Variants in LGALS8 observed in about 807,000 individuals in gnomAD.
The protein encoded by LGALS8 is galectin-8.
Under a neutral mutation model 35.9 loss-of-function variants are expected in LGALS8, and 30 were observed. That is an observed-to-expected ratio of 0.83 (90% CI 0.62 to 1.13). The LOEUF is 1.13. Among genes scored for constraint, LGALS8 ranks in the 50% most tolerant of loss-of-function variants. The pLI, the probability that LGALS8 is intolerant of heterozygous loss-of-function variation, is 0.00. For synonymous variants in LGALS8, 138 were observed against 136.1 expected (o/e 1.01, Z -0.10); for missense variants, 366 against 388.7 (o/e 0.94, Z 0.49).
At chr1:236,532,809 A>G (rs1661223618) in intron 2 of LGALS8, among the ~76,000 whole-genome samples, 1 of 152,154 alleles carries the variant, frequency 6.6e-6, no homozygotes, top group Non-Finnish European at 1.5e-5. Flanking sequence ...ACGCCATTGC[A>G]CTCCAGCCTG....
Position 236,550,200 on chromosome 1 carries a change from G to C in LGALS8, c.*2039G>C, listed in dbSNP as rs1390629161. On this transcript the variant is annotated 3_prime_UTR_variant, in exon 10 of 10. Transcript: ENST00000366584. ...GGAACTGGGTTCATTCTGAATCCTG[G>C]AGGAGCTTCCTCGTGCCACCCAGTG... 1 of 152,186 alleles carries C rather than the reference G, an allele frequency of 6.6e-6. No homozygotes were observed. The highest frequency in any genetic ancestry group is 1.9e-4 in the East Asian group (1 of 5,196). 9.4% of individuals were successfully genotyped at this position (152,186 alleles called of 1,614,324 possible).
At chr1:236,545,825 G>C (rs185381232) in intron 9 of LGALS8, among the ~76,000 whole-genome samples, 62 of 152,140 alleles carry the variant, frequency 4.1e-4, no homozygotes, top group African/African-American at 1.5e-3. Context: ...GGATGTGGAA[G>C]GCTGAAGGTT....
exon 1 of LGALS8, chr1:236,518,283 A>C (rs1475982398): frequency 7.2e-5 from 11 of 152,126 alleles, no homozygotes; most frequent in Non-Finnish European, 1.5e-4. Flanking sequence ...AGAACTTCGG[A>C]GGTAAGCCTG....
chr1:236,543,882 T>C (rs1311274528), intron 8 of LGALS8, among the ~76,000 whole-genome samples: 1 of 152,138 alleles, frequency 6.6e-6, no homozygotes, highest in African/African-American at 2.4e-5. Context: ...GTAGCATTTT[T>C]GTCCACGAGG....
rs1176386181 is a variant in LGALS8 at position 236,551,966 on chromosome 1, T to G, written c.*3805T>G. 3 of 1,348,656 alleles carry G rather than the reference T, an allele frequency of 2.2e-6. No homozygotes were observed. The highest frequency in any genetic ancestry group is 1.8e-4 in the Middle Eastern group (1 of 5,556). The allele number at this position is 1,348,656 out of a possible 1,614,324, so 83.5% of individuals were successfully genotyped here. A position where few individuals can be genotyped will look rare whatever the true frequency, so the allele number is the denominator to read the frequency against. ...AGAATTTTACTGAATTATTCCTTAA[T>G]TGTTTAATGGTTGGGAATAGTTTGG... On this transcript the variant is annotated 3_prime_UTR_variant, in exon 10 of 10. Transcript: ENST00000366584.
chr1:236,528,763 C>T (rs1030156622), intron 2 of LGALS8, among the ~76,000 whole-genome samples: 1 of 151,668 alleles, frequency 6.6e-6, no homozygotes, highest in African/African-American at 2.4e-5. Flanking sequence ...TCAAGCACTC[C>T]TCCCGCCTCG....
At chr1:236,538,086 C>CAAAAAAA (rs548113542) in intron 3 of LGALS8, among the ~76,000 whole-genome samples, 6 of 50,060 alleles carry the variant, frequency 1.2e-4, no homozygotes, top group East Asian at 6.4e-4. Flanking sequence ...GCCTGGGTGA[C>CAAAAAAA]AAAAAAAAAA....
In LGALS8 at chr1:236,551,890, C is replaced by T; in HGVS notation, c.*3729C>T. On this transcript the variant is annotated 3_prime_UTR_variant, in exon 10 of 10. Transcript: ENST00000366584. ...GCTGCCTGTATGAGGACTGGATCAA[C>T]TGCTAGTCACGTTATATCCAAATCT... 2 of 738,368 alleles carry T rather than the reference C, an allele frequency of 2.7e-6. No individual in the cohort carries two copies. Among genetic ancestry groups the T allele is most frequent in the South Asian group, 1.7e-5 (1 of 60,110 alleles). 45.7% of individuals were successfully genotyped at this position (738,368 alleles called of 1,614,324 possible).
intron 2 of LGALS8, among the ~76,000 whole-genome samples, chr1:236,528,431 G>A (rs1268321409): frequency 2.0e-5 from 3 of 150,092 alleles, no homozygotes; most frequent in Non-Finnish European, 3.0e-5. Context: ...TTGAATCATG[G>A]TTGTTTTGTT....
At chr1:236,546,753 T>C (rs961775940) in intron 9 of LGALS8, among the ~76,000 whole-genome samples, 1 of 152,258 alleles carries the variant, frequency 6.6e-6, no homozygotes, top group African/African-American at 2.4e-5. Flanking sequence ...GCCAACTTGG[T>C]TTTCCTTCTG....
intron 2 of LGALS8, among the ~76,000 whole-genome samples, chr1:236,532,867 CAAAA>C (rs1391379385): frequency 6.6e-6 from 1 of 151,898 alleles, no homozygotes; most frequent in Non-Finnish European, 1.5e-5. Flanking sequence ...AAACAAAAAA[CAAAA>C]AACCTGTTTT....
At chr1:236,521,903 CTGTTG>C (rs1425403721), upstream of LGALS8, among the ~76,000 whole-genome samples, 1 of 151,726 alleles carries the variant, frequency 6.6e-6, no homozygotes, top group Non-Finnish European at 1.5e-5. Context: ...ACTTCTCTGG[CTGTTG>C]TGTTGAGACT....
chr1:236,537,294 C>T lies in LGALS8; in HGVS notation c.46-203C>T, dbSNP rs569163719. Among the ~76,000 whole-genome samples, 172 of 152,168 alleles carry T rather than the reference C, an allele frequency of 1.1e-3. 3 individuals are homozygous for T. The highest frequency in any genetic ancestry group is 4.1e-3 in the African/African-American group (171 of 41,518). ...CCTCCCAAAGTGCTGGGATTACAGG[C>T]GTGAGCCACCGCGCCCGGCCGCAGT... On this transcript the variant is annotated intron_variant, in intron 2 of 9. Coordinates refer to ENST00000366584, the MANE Select transcript of LGALS8 (RefSeq NM_201544.4).
chr1:236,550,714 T>C lies in LGALS8; in HGVS notation c.*2553T>C, dbSNP rs767285887. On this transcript the variant is annotated 3_prime_UTR_variant, in exon 10 of 10. Transcript: ENST00000366584. Reference sequence around the variant, plus strand: ...TTACTCTTTCTGCAGCTCTATACGATAGGCAGGAGAGGCTTATGTGGCAGC... The same window carrying C: ...TTACTCTTTCTGCAGCTCTATACGACAGGCAGGAGAGGCTTATGTGGCAGC... 7.6e-6 allele frequency: 4 copies of C among 529,414 alleles called. No homozygotes were observed. The highest frequency in any genetic ancestry group is 3.0e-5 in the South Asian group (1 of 33,814). 32.8% of individuals were successfully genotyped at this position (529,414 alleles called of 1,614,324 possible).
At chr1:236,543,290 G>C (rs1201366418) in intron 7 of LGALS8, 1 of 637,152 alleles carries the variant, frequency 1.6e-6, no homozygotes, top group African/African-American at 1.8e-5. Context: ...GGCACAGGGG[G>C]CCTTCCTGGC....
chr1:236,540,695 T>TC lies in LGALS8; in HGVS notation c.465+14dup, dbSNP rs1457471709. 2 of 1,598,756 alleles carry TC rather than the reference T, an allele frequency of 1.3e-6. No individual in the cohort carries two copies. Among genetic ancestry groups the TC allele is most frequent in the Non-Finnish European group, 1.7e-6 (2 of 1,172,678 alleles). ...TTAGCTTCAGCTCGGTGAGTGACCT[T>TC]CCACAGCTTGGGGTCTTTTATGAGG... On this transcript the variant is annotated intron_variant, in intron 5 of 9. Coordinates refer to ENST00000366584, the MANE Select transcript of LGALS8 (RefSeq NM_201544.4).
At chr1:236,530,042 G>C (rs758310538) in intron 2 of LGALS8, among the ~76,000 whole-genome samples, 13 of 152,200 alleles carry the variant, frequency 8.5e-5, no homozygotes, top group Non-Finnish European at 1.5e-4. Flanking sequence ...GAAATTTCTT[G>C]TTTGGCAGTT....
rs765121879 is a variant in LGALS8 at position 236,540,608 on chromosome 1, C to G, written c.390C>G (p.Ile130Met). The G allele has an allele frequency of 3.1e-6, 5 of 1,610,200 alleles. No individual in the cohort carries two copies. Among genetic ancestry groups the G allele is most frequent in the South Asian group, 2.2e-5 (2 of 90,272 alleles). The change falls in exon 5 of 10, where the codon ATC (isoleucine) becomes ATG (methionine). Residue 130 changes from isoleucine (I) to methionine (M), a missense_variant. Physicochemically the swap from Ile to Met is conservative, Grantham distance 10. Coordinates refer to ENST00000366584, the MANE Select transcript of LGALS8 (RefSeq NM_201544.4). ...ATACTCTGCTCTATGGCCACAGGAT[C>G]GGCCCAGAGAAAATAGACACTCTGG... is the stretch of plus-strand genomic sequence containing the variant. The part of the protein sequence containing the change: ...GKHTLLYGHR[I>M]GPEKIDTLGI...
chr1:236,545,281 A>G (rs1662293813), intron 9 of LGALS8: 1 of 119,454 alleles, frequency 8.4e-6, no homozygotes, highest in African/African-American at 3.0e-5. Context: ...ACTGGCCATC[A>G]TCTCCCATCA....
Sources: allele counts gnomAD v4.1 joint callset (sites outside exome capture counted in the v4.1 genomes callset), GRCh38; gene constraint gnomAD v4.1.1; transcripts MANE v1.5; gene names NCBI Gene and HGNC (gene_info 2026-07-23, HGNC 2026-07-21).